Variants in MMEL1 observed in about 807,000 individuals in gnomAD.
MMEL1 encodes membrane metalloendopeptidase like 1.
MMEL1 carries 98 observed loss-of-function variants against 117.1 expected under a neutral mutation model. That is an observed-to-expected ratio of 0.84 (90% CI 0.71 to 0.99). The LOEUF (loss-of-function observed/expected upper bound fraction) is 0.99. Among genes scored for constraint, MMEL1 ranks in the 50% least tolerant of loss-of-function variants. MMEL1 has a pLI of 0.00. For missense variants in MMEL1, 1,014 were observed against 1,049.1 expected (o/e 0.97, Z 0.46); for synonymous variants, 390 against 415.1 (o/e 0.94, Z 0.74).
At position 2,595,166 on chromosome 1, in the gene MMEL1, T is replaced by C. The variant is rs1644813340; in HGVS notation, c.1584+110A>G. ...CCCTAGGGCACGGTGAGGACAGCTG[T>C]GTTAGCGCCTGGGAGGAGGGCACAG... On this transcript the variant is annotated intron_variant, in intron 16 of 23. Transcript: ENST00000378412. The surrounding 1 kb of genome is among the most constrained non-coding windows in gnomAD (Gnocchi z 4.8). The C allele has an allele frequency of 1.0e-6, 1 of 978,170 alleles. No individual in the cohort carries two copies. The highest frequency in any genetic ancestry group is 2.2e-5 in the Admixed American group (1 of 45,606). 60.6% of individuals were successfully genotyped at this position (978,170 alleles called of 1,614,324 possible).
chr1:2,593,008 G>GCACTGTGCCTGGCCCCACGGCAGC, intron 19 of MMEL1, 42 bp from the exon 20 acceptor site: 2 of 1,604,826 alleles, frequency 1.2e-6, no homozygotes, highest in Non-Finnish European at 1.7e-6. Context: ...GCCCCTGGCT[G>GCACTGTGCCTGGCCCCACGGCAGC]CACTGTGCCT....
chr1:2,609,373 C>G lies in MMEL1; in HGVS notation c.501G>C (p.Lys167Asn). 6.2e-7 allele frequency: 1 copy of G among 1,612,308 alleles called. No individual in the cohort carries two copies. The highest frequency in any genetic ancestry group is 8.5e-7 in the Non-Finnish European group (1 of 1,179,594). Residue 167 changes from lysine (K) to asparagine (N), a missense_variant, in exon 6 of 24, where the codon AAG becomes AAC. Physicochemically the swap from Lys to Asn is moderately conservative, Grantham distance 94. Transcript: ENST00000378412. ...STAKDRPAVEKARTLYRSCMN... is the reference protein window; with the variant it reads ...STAKDRPAVENARTLYRSCMN... The stretch of plus-strand genomic sequence containing the variant: ...TGCAGGAGCGGTACAGCGTCCTGGC[C>G]TTCTCCACAGCCGGCCGGTCCTTGG...
chr1:2,601,756 C>T (rs539681731), intron 11 of MMEL1, among the ~76,000 whole-genome samples: 34 of 152,338 alleles, frequency 2.2e-4, no homozygotes, highest in African/African-American at 7.5e-4. Context: ...CTCAAACAGA[C>T]GTTCCACAAA....
At chr1:2,609,309 C>T in intron 6 of MMEL1, 30 bp downstream of exon 6, 1 of 1,596,968 alleles carries the variant, frequency 6.3e-7, no homozygotes, top group Non-Finnish European at 8.5e-7. Flanking sequence ...CGTCCCCTGC[C>T]TCGGCCCCTT....
At chr1:2,618,498 C>A (rs142187920) in intron 2 of MMEL1, among the ~76,000 whole-genome samples, 24 of 152,350 alleles carry the variant, frequency 1.6e-4, no homozygotes, top group African/African-American at 5.3e-4. Flanking sequence ...TCTTTTCCCT[C>A]TCTTCTCCAT....
intron 6 of MMEL1, among the ~76,000 whole-genome samples, chr1:2,607,556 C>A (rs1044896336): frequency 3.2e-4 from 48 of 152,176 alleles, no homozygotes; most frequent in African/African-American, 9.6e-4. Flanking sequence ...GGGGCCCCGA[C>A]AAGCAGGGCT....
At chr1:2,628,780 G>A (rs1638393847) in intron 2 of MMEL1, among the ~76,000 whole-genome samples, 1 of 152,164 alleles carries the variant, frequency 6.6e-6, no homozygotes, top group African/African-American at 2.4e-5. Context: ...CTTTGTCTCC[G>A]TGGGACCCCA....
chr1:2,591,329 G>C (rs930346348), intron 23 of MMEL1: 8 of 598,768 alleles, frequency 1.3e-5, no homozygotes, highest in African/African-American at 7.4e-5. Context: ...CCTTCACACA[G>C]AAACATTCGC....
At chr1:2,600,271 CA>C (rs1375078428) in intron 11 of MMEL1, among the ~76,000 whole-genome samples, 1 of 151,840 alleles carries the variant, frequency 6.6e-6, no homozygotes, top group Non-Finnish European at 1.5e-5. Flanking sequence ...CCTGGCCAAA[CA>C]TAAAATTTAG....
intron 2 of MMEL1, among the ~76,000 whole-genome samples, chr1:2,622,512 A>C (rs1645305055): frequency 6.6e-6 from 1 of 152,176 alleles, no homozygotes; most frequent in Non-Finnish European, 1.5e-5. Flanking sequence ...ATTCATGAGG[A>C]TAGGGGAAGA....
At chr1:2,605,376 A>G (rs1222368729) in intron 9 of MMEL1, among the ~76,000 whole-genome samples, 182 bp downstream of exon 9, 2 of 152,060 alleles carry the variant, frequency 1.3e-5, no homozygotes, top group East Asian at 1.9e-4. Context: ...AACGTCCCCC[A>G]GGATGGTGGC....
intron 1 of MMEL1, among the ~76,000 whole-genome samples, chr1:2,632,210 CTG>C (rs1638625600): frequency 6.6e-6 from 1 of 152,020 alleles, no homozygotes; most frequent in South Asian, 2.1e-4. Context: ...CTCCCCTGCT[CTG>C]TGTCTCTCCA....
At chr1:2,613,691 G>T (rs747511032) in intron 2 of MMEL1, among the ~76,000 whole-genome samples, 1 of 151,832 alleles carries the variant, frequency 6.6e-6, no homozygotes, top group Non-Finnish European at 1.5e-5. Flanking sequence ...GGGCACATGC[G>T]CCTGGCAAGG....
chr1:2,602,113 A>C (rs10910099), intron 11 of MMEL1, among the ~76,000 whole-genome samples: 62,154 of 150,834 alleles, frequency 0.41, 13,870 homozygotes, highest in African/African-American at 0.56. Flanking sequence ...GAGTTGTCGC[A>C]TGTTCTTAGA....
chr1:2,631,109 G>A (rs1251010531), intron 1 of MMEL1, among the ~76,000 whole-genome samples: 3 of 152,220 alleles, frequency 2.0e-5, no homozygotes, highest in Admixed American at 1.3e-4. Context: ...ACATATGTGA[G>A]CACATGCATG....
In MMEL1 at chr1:2,593,939, C is replaced by T. The variant is rs183805733; in HGVS notation, c.1748-6G>A. The T allele has an allele frequency of 2.0e-3, 3,170 of 1,595,612 alleles. 7 individuals carry two copies. Among genetic ancestry groups the T allele is most frequent in the Non-Finnish European group, 2.0e-3 (2,316 of 1,171,006 alleles). On this transcript the variant is annotated splice_polypyrimidine_tract_variant and splice_region_variant and intron_variant, in intron 18 of 23. Coordinates refer to ENST00000378412, the MANE Select transcript of MMEL1 (RefSeq NM_033467.4). ...GAGGATCCCGGCAGGGAATACTGTC[C>T]CCAAGGGCGGGACAAAGAATAAGCT...
At chr1:2,598,334 A>G (rs768691866) in intron 12 of MMEL1, 34 bp from the exon 13 acceptor site, 1 of 1,599,130 alleles carries the variant, frequency 6.3e-7, no homozygotes, top group Non-Finnish European at 8.6e-7. Flanking sequence ...AGGGGAGAAC[A>G]GGTGAGAGGT....
At chr1:2,602,257 C>T (rs555042025) in intron 11 of MMEL1, among the ~76,000 whole-genome samples, 134 of 83,422 alleles carry the variant, frequency 1.6e-3, no homozygotes, top group African/African-American at 6.6e-3. Context: ...TCTGGGATGT[C>T]GGTGGTCACG....
intron 7 of MMEL1, 107 bp downstream of exon 7, chr1:2,606,867 G>T: frequency 9.7e-7 from 1 of 1,034,174 alleles, no homozygotes; most frequent in Non-Finnish European, 1.5e-6. Flanking sequence ...AGAGCAGCCA[G>T]CTGGGGGTGG....
Sources: allele counts gnomAD v4.1 joint callset (sites outside exome capture counted in the v4.1 genomes callset), GRCh38; gene constraint gnomAD v4.1.1; non-coding constraint Gnocchi (gnomAD v3.1); transcripts MANE v1.5; gene names NCBI Gene and HGNC (gene_info 2026-07-23, HGNC 2026-07-21).